UGT1A9: variants seen among roughly 807,000 people sequenced by gnomAD.
The protein encoded by UGT1A9 is UDP glucuronosyltransferase family 1 member A9.
Under a neutral mutation model 45.0 loss-of-function variants are expected in UGT1A9, and 35 were observed. The observed-to-expected ratio is 0.78, with a 90% CI of 0.59 to 1.03. The LOEUF is 1.03. Ranked by LOEUF, UGT1A9 falls within the 50% of genes least tolerant of loss-of-function variation. The pLI is 0.00. For missense variants in UGT1A9, 687 were observed against 666.6 expected (o/e 1.03, Z -0.34); for synonymous variants, 278 against 250.6 (o/e 1.11, Z -1.03).
At chr2:233,772,241 C>T (rs200350292) in intron 4 of UGT1A9, 21 bp from the exon 5 acceptor site, 139 of 1,614,076 alleles carry the variant, frequency 8.6e-5, no homozygotes, top group Admixed American at 1.2e-4. Flanking sequence ...CCAGGCATAA[C>T]GAAACTGTCT....
rs545447386 is a variant in UGT1A9 at position 233,672,485 on chromosome 2, C to T, written c.551C>T (p.Pro184Leu). 1 of 1,613,948 alleles carries T rather than the reference C, an allele frequency of 6.2e-7. No individual in the cohort carries two copies. The highest frequency in any genetic ancestry group is 1.1e-5 in the South Asian group (1 of 91,074). The part of the protein sequence containing the change: ...CHYLEEGAQC[P>L]APLSYVPRIL... The stretch of plus-strand genomic sequence containing the variant: ...TATCTTGAAGAAGGTGCACAGTGCC[C>T]TGCTCCTCTTTCCTATGTCCCCAGA... Residue 184 changes from proline to leucine, a missense_variant, in exon 1 of 5, where the codon CCT (proline) becomes CTT (leucine). Pro to Leu is a moderately conservative substitution (Grantham distance 98). Coordinates refer to ENST00000354728, the MANE Select transcript of UGT1A9 (RefSeq NM_021027.3).
chr2:233,695,740 C>T (rs1326853599), intron 1 of UGT1A9, among the ~76,000 whole-genome samples: 2 of 152,142 alleles, frequency 1.3e-5, no homozygotes, highest in African/African-American at 4.8e-5. Context: ...TGTTGCTGCA[C>T]ATGACAGGTC....
At chr2:233,706,654 T>C (rs1204703163) in intron 1 of UGT1A9, among the ~76,000 whole-genome samples, 1 of 152,174 alleles carries the variant, frequency 6.6e-6, no homozygotes, top group Non-Finnish European at 1.5e-5. Flanking sequence ...GCCCCATCAC[T>C]GTAGGTCTGA....
intron 1 of UGT1A9, chr2:233,690,499 C>T (rs1559344256): frequency 7.8e-7 from 1 of 1,289,698 alleles, no homozygotes; most frequent in Non-Finnish European, 1.0e-6. Context: ...CTCTTGCCAA[C>T]AGAGATTTGT....
chr2:233,772,435 G>C lies in UGT1A9; in HGVS notation c.1469G>C (p.Gly490Ala). ...WYQYHSLDVIGFLLAVVLTVA... is the reference protein window; with the variant it reads ...WYQYHSLDVIAFLLAVVLTVA... ...CAGTACCATTCCTTGGACGTGATTG[G>C]TTTCCTCTTGGCCGTCGTGCTGACA... Residue 490 changes from glycine to alanine, a missense_variant, in exon 5 of 5, where the codon GGT becomes GCT. Coordinates refer to ENST00000354728, the MANE Select transcript of UGT1A9 (RefSeq NM_021027.3). The C allele has an allele frequency of 6.2e-7, 1 of 1,614,208 alleles. No homozygotes were observed. The highest frequency in any genetic ancestry group is 1.7e-5 in the Admixed American group (1 of 60,022).
At chr2:233,770,240 T>A (rs1700042980) in intron 4 of UGT1A9, 1 of 152,226 alleles carries the variant, frequency 6.6e-6, no homozygotes, top group Non-Finnish European at 1.5e-5. Flanking sequence ...TCTCCATGAT[T>A]CCAACACTCT....
intron 1 of UGT1A9, chr2:233,718,926 A>G (rs1264796990): frequency 1.2e-6 from 2 of 1,614,126 alleles, no homozygotes; most frequent in Non-Finnish European, 1.7e-6. Context: ...GGTGGTGCCC[A>G]CTGATGGCAG....
At chr2:233,674,327 A>G (rs2125505511) in intron 1 of UGT1A9, among the ~76,000 whole-genome samples, 1 of 152,310 alleles carries the variant, frequency 6.6e-6, no homozygotes, top group African/African-American at 2.4e-5. Flanking sequence ...AGGCTAGGAG[A>G]TGCAAATGGC....
chr2:233,679,238 A>T (rs2074445894), intron 1 of UGT1A9, among the ~76,000 whole-genome samples: 1 of 152,240 alleles, frequency 6.6e-6, no homozygotes, highest in South Asian at 2.1e-4. Flanking sequence ...TCCAATATCG[A>T]AAGAACTTTA....
At chr2:233,747,994 T>C (rs11888459) in intron 1 of UGT1A9, 570,680 of 1,612,980 alleles carry the variant, frequency 0.35, 103,977 homozygotes, top group African/African-American at 0.43. Context: ...CGAGGGGACT[T>C]TGTGATGGAT....
chr2:233,760,957 G>A (rs775797489), intron 1 of UGT1A9: 40 of 1,614,066 alleles, frequency 2.5e-5, no homozygotes, highest in Admixed American at 3.3e-5. Flanking sequence ...CTTTCTGTGC[G>A]ACGTGGTTTA....
rs528268850 is a variant in UGT1A9 at position 233,694,781 on chromosome 2, G to A, written c.855+21992G>A. 3.9e-5 allele frequency among the ~76,000 whole-genome samples: 6 copies of A among 152,256 alleles called. No homozygotes were observed. The South Asian group carries it at 1.2e-3, about 32-fold the overall frequency. ...GTGAAAAGGCAAGGGTGAGGGGATG[G>A]GGATAACTGAAATGGTTCCAGGGAT... is the stretch of plus-strand genomic sequence containing the variant. On this transcript the variant is annotated intron_variant, in intron 1 of 4. Coordinates refer to ENST00000354728, the MANE Select transcript of UGT1A9 (RefSeq NM_021027.3).
chr2:233,753,795 C>T (rs760622704), intron 1 of UGT1A9: 6 of 152,312 alleles, frequency 3.9e-5, no homozygotes, highest in African/African-American at 1.4e-4. Flanking sequence ...TTTCCAGGAC[C>T]TACCATAGTT....
chr2:233,676,843 C>T (rs889198300), intron 1 of UGT1A9, among the ~76,000 whole-genome samples: 2 of 152,144 alleles, frequency 1.3e-5, no homozygotes, highest in Non-Finnish European at 2.9e-5. Context: ...ACCTTTTCTC[C>T]ACTGCATTGC....
chr2:233,759,291 G>C (rs2003569), intron 1 of UGT1A9, among the ~76,000 whole-genome samples: 1 of 152,064 alleles, frequency 6.6e-6, no homozygotes. Flanking sequence ...TGATGAAGCT[G>C]AGCCCTGAGT....
At chr2:233,726,418 C>G (rs1368696095) in intron 1 of UGT1A9, among the ~76,000 whole-genome samples, 1 of 152,176 alleles carries the variant, frequency 6.6e-6, no homozygotes, top group African/African-American at 2.4e-5. Flanking sequence ...CATTCTGATT[C>G]TGTCCACTCT....
rs144721642 is a variant in UGT1A9, at chr2:233,760,960, G to A, written c.856-6074G>A. 13 of 1,614,166 alleles carry A rather than the reference G, an allele frequency of 8.1e-6. No homozygotes were observed. Among genetic ancestry groups the A allele is most frequent in the African/African-American group, 5.3e-5 (4 of 75,032 alleles). On this transcript the variant is annotated intron_variant, in intron 1 of 4. Coordinates refer to ENST00000354728, the MANE Select transcript of UGT1A9 (RefSeq NM_021027.3). The stretch of plus-strand genomic sequence containing the variant: ...CTTTTCACAGAACTTTCTGTGCGAC[G>A]TGGTTTATTCCCCGTATGCAACCCT...
chr2:233,760,162 T>C (rs967006180), intron 1 of UGT1A9: 7 of 1,514,606 alleles, frequency 4.6e-6, no homozygotes, highest in Admixed American at 4.0e-5. Flanking sequence ...CTGCTACCTT[T>C]GTGGACTGAC....
intron 1 of UGT1A9, chr2:233,743,961 G>C (rs1220735729): frequency 1.5e-6 from 2 of 1,333,366 alleles, no homozygotes; most frequent in East Asian, 4.6e-5. Context: ...ACAGCGAGCG[G>C]CAAGGCTGCC....
Sources: gnomAD v4.1 joint callset for allele counts (sites outside exome capture counted in the v4.1 genomes callset) on GRCh38, gnomAD v4.1.1 for gene constraint, MANE v1.5 for transcripts, NCBI Gene and HGNC (gene_info 2026-07-23, HGNC 2026-07-21) for gene names.